Variants in LUZP1 observed in about 807,000 individuals in gnomAD.
LUZP1 encodes leucine zipper protein 1.
LUZP1 carries 25 observed loss-of-function variants against 71.3 expected under a neutral mutation model. The observed-to-expected ratio is 0.35, with a 90% confidence interval of 0.26 to 0.49. LUZP1 has a LOEUF of 0.49. LUZP1 is among the 20% of genes least tolerant of loss of function. The pLI is 0.99. For synonymous variants in LUZP1, 481 were observed against 506.4 expected, an observed-to-expected ratio of 0.95 and a Z score of 0.67; for missense variants, 1,142 against 1,300.8, an observed-to-expected ratio of 0.88 and a Z score of 1.88.
intron 3 of LUZP1, among the ~76,000 whole-genome samples, chr1:23,099,886 T>G (rs372123004): frequency 1.2e-4 from 18 of 152,336 alleles, no homozygotes; most frequent in African/African-American, 4.3e-4. Context: ...AAGCCCTTCA[T>G]GATGTGGCCC....
chr1:23,136,496 T>C (rs1644254099), intron 2 of LUZP1, among the ~76,000 whole-genome samples: 1 of 152,238 alleles, frequency 6.6e-6, no homozygotes, highest in African/African-American at 2.4e-5. Flanking sequence ...AACTTTAGTA[T>C]TGTGTGACCT....
intron 2 of LUZP1, among the ~76,000 whole-genome samples, chr1:23,146,027 G>A (rs1457042783): frequency 6.6e-6 from 1 of 151,892 alleles, no homozygotes; most frequent in East Asian, 1.9e-4. Context: ...CCTCACCATC[G>A]TAACACCACC....
chr1:23,090,872 G>A (rs1434871735), intron 4 of LUZP1: 1 of 717,698 alleles, frequency 1.4e-6, no homozygotes, highest in South Asian at 1.5e-5. Flanking sequence ...CTGTTCTGAG[G>A]GCCTACGGGG....
At position 23,092,911 on chromosome 1, in the gene LUZP1, TTTTC is replaced by T; in HGVS notation, c.1347_1350del (p.Lys450LeufsTer24). On this transcript the variant is annotated frameshift_variant, in exon 4 of 5. Coordinates refer to ENST00000302291, the Ensembl canonical transcript of LUZP1. LOFTEE classifies it high-confidence loss of function. ...GAGCCGGGTACAAACCGGTCTTCAG[TTTTC>T]TTTGTCTCCTGAGTCCCACTGTCTG... 2 of 1,613,820 alleles carry T rather than the reference TTTTC, an allele frequency of 1.2e-6. No individual in the cohort carries two copies. The highest frequency in any genetic ancestry group is 8.5e-7 in the Non-Finnish European group (1 of 1,179,910).
At chr1:23,162,276 C>A (rs1422647470) in intron 2 of LUZP1, among the ~76,000 whole-genome samples, 1 of 151,804 alleles carries the variant, frequency 6.6e-6, no homozygotes, top group Non-Finnish European at 1.5e-5. Context: ...TGGATAGGGG[C>A]TTCTAGGTAC....
intron 2 of LUZP1, chr1:23,133,315 G>C (rs1012042338): frequency 6.6e-6 from 1 of 152,056 alleles, no homozygotes; most frequent in South Asian, 2.1e-4. Context: ...AATCACAACC[G>C]CCAGTGTAAT....
intron 1 of LUZP1, among the ~76,000 whole-genome samples, chr1:23,169,244 A>C (rs1030167771): frequency 3.3e-5 from 5 of 152,120 alleles, no homozygotes; most frequent in Non-Finnish European, 7.4e-5. Context: ...CGGTAAGCTA[A>C]AGTAGGAGGA....
chr1:23,118,156 C>CT (rs1204670241), intron 2 of LUZP1, among the ~76,000 whole-genome samples: 5 of 151,948 alleles, frequency 3.3e-5, no homozygotes, highest in African/African-American at 1.2e-4. Context: ...AATCCCAGCA[C>CT]TGTGGGAGGC....
intron 2 of LUZP1, among the ~76,000 whole-genome samples, chr1:23,112,964 C>T (rs1644046619): frequency 6.6e-6 from 1 of 152,202 alleles, no homozygotes; most frequent in Non-Finnish European, 1.5e-5. Flanking sequence ...GAACTGCGAC[C>T]CACTGCAGGT....
chr1:23,119,687 T>C (rs1644115173), intron 2 of LUZP1, among the ~76,000 whole-genome samples: 1 of 152,144 alleles, frequency 6.6e-6, no homozygotes, highest in African/African-American at 2.4e-5. Context: ...AGGCCAGAAT[T>C]ATGTATTTCA....
rs1252762122 is a variant in LUZP1, at chr1:23,094,763, C to T, written c.-119-383G>A. On this transcript the variant is annotated intron_variant, in intron 3 of 4. Coordinates refer to ENST00000302291, the Ensembl canonical transcript of LUZP1. This position sits in a 1 kb window ranked among gnomAD's most constrained non-coding sequence, Gnocchi z 4.7. Reference sequence around the variant, plus strand: ...GTAAAATGGGCATAATGATGTCTACCGTATTTCTCCCCAGTGTTGTTCTGA... The same window carrying T: ...GTAAAATGGGCATAATGATGTCTACTGTATTTCTCCCCAGTGTTGTTCTGA... Among the ~76,000 whole-genome samples the T allele has an allele frequency of 1.3e-5, 2 of 152,178 alleles. No homozygotes were observed. Among genetic ancestry groups the T allele is most frequent in the African/African-American group, 4.8e-5 (2 of 41,520 alleles).
At chr1:23,096,809 C>T (rs1643894611) in intron 3 of LUZP1, among the ~76,000 whole-genome samples, 1 of 152,072 alleles carries the variant, frequency 6.6e-6, no homozygotes. Context: ...CCCATCTCTA[C>T]TAAAAATACA....
intron 3 of LUZP1, among the ~76,000 whole-genome samples, chr1:23,098,676 G>A (rs1257543595): frequency 1.3e-5 from 2 of 152,152 alleles, no homozygotes; most frequent in African/African-American, 4.8e-5. Flanking sequence ...AGGTGATGTC[G>A]TCCAATAAGA....
At chr1:23,096,099 T>C (rs1484574127) in intron 3 of LUZP1, among the ~76,000 whole-genome samples, 2 of 148,304 alleles carry the variant, frequency 1.3e-5, no homozygotes, top group East Asian at 2.0e-4. Flanking sequence ...AATAAGTACA[T>C]TCCAATGTTT....
rs572030110 is a variant in LUZP1 at position 23,107,557 on chromosome 1, C to T, written c.-120+1465G>A. Reference sequence around the variant, plus strand: ...GGCTCACACTTATAATCCCAGCACTCTGGGAGGCCAAGGTGGGCAAATCAC... The same window carrying T: ...GGCTCACACTTATAATCCCAGCACTTTGGGAGGCCAAGGTGGGCAAATCAC... On this transcript the variant is annotated intron_variant, in intron 3 of 4. Coordinates refer to ENST00000302291, the Ensembl canonical transcript of LUZP1. 3.0e-4 allele frequency among the ~76,000 whole-genome samples: 46 copies of T among 152,246 alleles called. No homozygotes were observed. In the South Asian group the frequency reaches 7.9e-3, roughly 26 times the overall value.
chr1:23,084,984 T>C (rs1158296744), exon 5 of LUZP1: 1 of 152,628 alleles, frequency 6.6e-6, no homozygotes. Flanking sequence ...GAGGGAGCTT[T>C]ATTGGTTACA....
chr1:23,110,635 TACACAC>T (rs1553137224), intron 2 of LUZP1, among the ~76,000 whole-genome samples: 2 of 41,848 alleles, frequency 4.8e-5, no homozygotes, highest in Non-Finnish European at 8.5e-5. Context: ...CGCGCACACA[TACACAC>T]ACACACACAC....
chr1:23,108,145 C>G (rs1243918105), intron 3 of LUZP1, among the ~76,000 whole-genome samples: 1 of 152,200 alleles, frequency 6.6e-6, no homozygotes, highest in African/African-American at 2.4e-5. Context: ...TCTCCTCTGC[C>G]TTAGCCAACA....
intron 2 of LUZP1, among the ~76,000 whole-genome samples, chr1:23,127,696 T>C (rs1389790736): frequency 3.3e-5 from 5 of 152,130 alleles, no homozygotes; most frequent in African/African-American, 1.2e-4. Flanking sequence ...GCTAATTTTT[T>C]GCATTTTTAG....
Sources: gnomAD v4.1 joint callset for allele counts (sites outside exome capture counted in the v4.1 genomes callset) on GRCh38, gnomAD v4.1.1 for gene constraint, Gnocchi (gnomAD v3.1) non-coding constraint, MANE v1.5 for transcripts, NCBI Gene and HGNC (gene_info 2026-07-23, HGNC 2026-07-21) for gene names.